Variants in KLHL3 observed in about 807,000 individuals in gnomAD.
KLHL3 encodes kelch-like protein 3.
Under a neutral mutation model 70.5 loss-of-function variants are expected in KLHL3, and 19 were observed. That is an observed-to-expected ratio of 0.27 (90% confidence interval 0.19 to 0.40). The LOEUF (loss-of-function observed/expected upper bound fraction) is 0.40, where lower values mean the gene tolerates loss of function less well. KLHL3 is among the 10% of genes least tolerant of loss of function. The pLI is 1.00. For missense variants in KLHL3, 512 were observed against 771.1 expected, an observed-to-expected ratio of 0.66 and a Z score of 3.98; for synonymous variants, 258 against 290.3, an observed-to-expected ratio of 0.89 and a Z score of 1.13.
intron 1 of KLHL3, chr5:137,725,004 A>T (rs1026636709): frequency 2.0e-6 from 2 of 980,382 alleles, no homozygotes; most frequent in East Asian, 2.3e-4. Flanking sequence ...TCACATGCCC[A>T]GGCACAGAGT....
chr5:137,668,417 A>G (rs1191357578), intron 6 of KLHL3, among the ~76,000 whole-genome samples: 2 of 152,060 alleles, frequency 1.3e-5, no homozygotes, highest in Non-Finnish European at 2.9e-5. Flanking sequence ...CTCAAAACAA[A>G]CAAACAAAAA....
rs180955492 is a variant in KLHL3, at chr5:137,671,535, A to T, written c.636+6010T>A. On this transcript the variant is annotated intron_variant, in intron 6 of 14. Transcript: ENST00000309755. ...TCATAAAGAGTGGGGCTTGGGAGGC[A>T]GACACACACAGCTTCACATCATGGA... 3.2e-3 allele frequency among the ~76,000 whole-genome samples: 493 copies of T among 152,282 alleles called. 2 individuals carry two copies. Among genetic ancestry groups the T allele is most frequent in the Non-Finnish European group, 3.1e-3 (212 of 68,016 alleles).
rs2074346 is a variant in KLHL3, at chr5:137,639,374, A to T, written c.1022-224T>A. ...GAATCAGCTTTAACTCCCCAAGCTCATAAGAACTGACCCCAAAAGAGCCAA... is the reference window on the plus strand; with the variant it reads ...GAATCAGCTTTAACTCCCCAAGCTCTTAAGAACTGACCCCAAAAGAGCCAA... On this transcript the variant is annotated intron_variant, in intron 9 of 14. Coordinates refer to ENST00000309755, the MANE Select transcript of KLHL3 (RefSeq NM_017415.3). The surrounding 1 kb of genome is among the most constrained non-coding windows in gnomAD (Gnocchi z 5.0). Among the ~76,000 whole-genome samples the T allele has an allele frequency of 0.41, 61,984 of 152,020 alleles. 14,025 individuals carry two copies. Among genetic ancestry groups the T allele is most frequent in the Admixed American group, 0.49 (7,433 of 15,270 alleles).
At chr5:137,645,750 G>T (rs1414785955) in intron 8 of KLHL3, among the ~76,000 whole-genome samples, 1 of 151,570 alleles carries the variant, frequency 6.6e-6, no homozygotes, top group Admixed American at 6.6e-5. Context: ...AAGATTCAAT[G>T]TAATCCTTAT....
chr5:137,700,448 C>G (rs1178050066), intron 3 of KLHL3, among the ~76,000 whole-genome samples: 1 of 152,204 alleles, frequency 6.6e-6, no homozygotes, highest in Non-Finnish European at 1.5e-5. Context: ...TGACTGTTTT[C>G]TGCCTGTGGA....
intron 5 of KLHL3, among the ~76,000 whole-genome samples, chr5:137,688,381 T>C (rs557969820): frequency 1.3e-5 from 2 of 152,274 alleles, no homozygotes; most frequent in East Asian, 3.9e-4. Context: ...ACAGGCTCCA[T>C]GTGTCTGGGA....
At chr5:137,671,896 T>A (rs1437638966) in intron 6 of KLHL3, 1 of 152,084 alleles carries the variant, frequency 6.6e-6, no homozygotes, top group Non-Finnish European at 1.5e-5. Context: ...TCGTAAAAAG[T>A]TTAGTTGTAT....
intron 12 of KLHL3, 106 bp from the exon 13 acceptor site, chr5:137,628,543 G>A (rs1389451292): frequency 7.8e-7 from 1 of 1,287,822 alleles, no homozygotes; most frequent in Non-Finnish European, 1.1e-6. Flanking sequence ...AGGGGACTTG[G>A]GGAGTGCCAT....
intron 2 of KLHL3, 152 bp downstream of exon 2, chr5:137,720,313 A>AG: frequency 1.1e-6 from 1 of 876,026 alleles, no homozygotes; most frequent in South Asian, 1.8e-5. Context: ...AAAAAAAAAA[A>AG]GAGAGAAAGA....
chr5:137,709,481 T>A (rs919763801), intron 3 of KLHL3, among the ~76,000 whole-genome samples: 1 of 152,190 alleles, frequency 6.6e-6, no homozygotes, highest in Non-Finnish European at 1.5e-5. Context: ...CCCCACATGA[T>A]TATGGTGCAG....
chr5:137,662,116 G>GAT, intron 6 of KLHL3, 85 bp from the exon 7 acceptor site: 1 of 487,108 alleles, frequency 2.1e-6, no homozygotes. Context: ...AAAAAAAAAA[G>GAT]AGAGAGAGAA....
At chr5:137,683,731 C>CTCTCTT (rs958646818) in intron 5 of KLHL3, among the ~76,000 whole-genome samples, 4 of 148,192 alleles carry the variant, frequency 2.7e-5, no homozygotes. Context: ...TGTCCTCTCC[C>CTCTCTT]TCTCTTTCTC....
rs575219018 is a variant in KLHL3, at chr5:137,678,274, C to A, written c.527-620G>T. ...CCTAGGAACAGTCCACAGAGCCAGG[C>A]CTATGGAACTGTTCAAGACAGAGGG... On this transcript the variant is annotated intron_variant, in intron 5 of 14. Transcript: ENST00000309755. Among the ~76,000 whole-genome samples, 5 of 152,122 alleles carry A rather than the reference C, an allele frequency of 3.3e-5. No individual in the cohort carries two copies. The South Asian group carries it at 1.0e-3, about 32-fold the overall frequency.
chr5:137,722,826 C>G (rs1158801851), intron 1 of KLHL3, among the ~76,000 whole-genome samples: 1 of 152,078 alleles, frequency 6.6e-6, no homozygotes, highest in Non-Finnish European at 1.5e-5. Context: ...ACCACCACAA[C>G]CGGCTAATTT....
intron 2 of KLHL3, among the ~76,000 whole-genome samples, chr5:137,711,439 G>A (rs1752790315): frequency 6.6e-6 from 1 of 152,210 alleles, no homozygotes; most frequent in East Asian, 1.9e-4. Flanking sequence ...ATGATTGGCT[G>A]ACATTCAGAA....
intron 2 of KLHL3, among the ~76,000 whole-genome samples, chr5:137,716,085 C>T (rs1391286811): frequency 6.6e-6 from 1 of 152,100 alleles, no homozygotes; most frequent in Non-Finnish European, 1.5e-5. Flanking sequence ...ACCTAGACAT[C>T]CAACAACAGG....
intron 2 of KLHL3, among the ~76,000 whole-genome samples, chr5:137,719,059 C>G (rs1448589022): frequency 6.6e-6 from 1 of 152,194 alleles, no homozygotes; most frequent in Non-Finnish European, 1.5e-5. Flanking sequence ...CTTCATTTCT[C>G]TAACTCTTAT....
chr5:137,720,119 G>A (rs1025192686), intron 2 of KLHL3, among the ~76,000 whole-genome samples: 1 of 151,916 alleles, frequency 6.6e-6, no homozygotes, highest in South Asian at 2.1e-4. Context: ...GACCAACATG[G>A]TGAAACCCCG....
At chr5:137,652,860 A>T (rs988667780) in intron 8 of KLHL3, among the ~76,000 whole-genome samples, 2 of 152,206 alleles carry the variant, frequency 1.3e-5, no homozygotes, top group African/African-American at 4.8e-5. Context: ...ACATATGTTA[A>T]TTAGCTAAAT....
Sources: gnomAD v4.1 joint callset for allele counts (sites outside exome capture counted in the v4.1 genomes callset) on GRCh38, gnomAD v4.1.1 for gene constraint, Gnocchi (gnomAD v3.1) non-coding constraint, MANE v1.5 for transcripts, NCBI Gene and HGNC (gene_info 2026-07-23, HGNC 2026-07-21) for gene names.